CNTN5: variants seen among roughly 807,000 people sequenced by gnomAD.
The protein encoded by CNTN5 is contactin-5.
In CNTN5, 77 loss-of-function variants were observed where a neutral mutation model predicts 129.1. The ratio of observed to expected loss-of-function variants is 0.60; its 90% CI spans 0.50 to 0.72. The LOEUF is 0.72. CNTN5 is among the 30% of genes least tolerant of loss of function. CNTN5 has a pLI of 0.00. For missense variants in CNTN5, 1,478 were observed against 1,328.8 expected (o/e 1.11, Z -1.75); for synonymous variants, 509 against 465.6 (o/e 1.09, Z -1.20).
chr11:100,037,436 G>C (rs1402051386), intron 9 of CNTN5, among the ~76,000 whole-genome samples: 2 of 151,580 alleles, frequency 1.3e-5, no homozygotes. Context: ...TCTCTTTTTT[G>C]GTTGTGTCTC....
At position 99,483,381 on chromosome 11, in the gene CNTN5, T is replaced by C. The variant is rs544289488; in HGVS notation, c.-70-72764T>C. ...CTCATGCACAGTGTCAACAATGTGT[T>C]TACTGGAGTTGTGCGCATGCTCACT... On this transcript the variant is annotated intron_variant, in intron 2 of 24. Transcript: ENST00000524871. Among the ~76,000 whole-genome samples the C allele has an allele frequency of 5.9e-3, 893 of 152,138 alleles. 9 individuals carry two copies. The highest frequency in any genetic ancestry group is 0.02 in the African/African-American group (817 of 41,502).
chr11:99,747,460 C>CTTTT lies in CNTN5; in HGVS notation c.56-72064_56-72061dup, dbSNP rs55790126. Among the ~76,000 whole-genome samples, 329 of 85,734 alleles carry CTTTT rather than the reference C, an allele frequency of 3.8e-3. 8 individuals carry two copies. The highest frequency in any genetic ancestry group is 0.017 in the East Asian group (45 of 2,674). The allele number at this position is 85,734 out of a possible 152,430, so 56.2% of individuals were successfully genotyped here. ...ACTATATTGAATAGAAGTCAGCATC[C>CTTTT]TTTTTTTTTTTTTTTTTTTTTTTGA... On this transcript the variant is annotated intron_variant, in intron 3 of 24. Transcript: ENST00000524871.
chr11:99,516,734 G>A (rs1947066533), intron 2 of CNTN5, among the ~76,000 whole-genome samples: 1 of 151,968 alleles, frequency 6.6e-6, no homozygotes, highest in African/African-American at 2.4e-5. Context: ...TCCTAATCCT[G>A]AATTTTTTTA....
intron 3 of CNTN5, among the ~76,000 whole-genome samples, chr11:99,817,392 G>C (rs1946623217): frequency 6.6e-6 from 1 of 152,154 alleles, no homozygotes; most frequent in South Asian, 2.1e-4. Context: ...TCTGTATGGA[G>C]TGGCACAAGC....
intron 6 of CNTN5, among the ~76,000 whole-genome samples, chr11:99,885,913 G>C (rs982101813): frequency 8.6e-5 from 13 of 151,998 alleles, no homozygotes; most frequent in African/African-American, 3.1e-4. Context: ...AGCTTAACTA[G>C]AACTTTGAAC....
chr11:100,292,753 C>G (rs35356352), intron 18 of CNTN5, among the ~76,000 whole-genome samples: 5 of 151,930 alleles, frequency 3.3e-5, no homozygotes, highest in Non-Finnish European at 4.4e-5. Flanking sequence ...GAGTTGGAGG[C>G]AGGCAATGAG....
intron 3 of CNTN5, among the ~76,000 whole-genome samples, chr11:99,585,529 G>A (rs1049389022): frequency 3.3e-5 from 5 of 151,786 alleles, no homozygotes; most frequent in Non-Finnish European, 7.4e-5. Flanking sequence ...ACTTATAGTG[G>A]GATTTTCATA....
At chr11:99,959,543 C>T (rs1950887689) in intron 8 of CNTN5, among the ~76,000 whole-genome samples, 1 of 152,166 alleles carries the variant, frequency 6.6e-6, no homozygotes, top group Admixed American at 6.6e-5. Context: ...CAGAAAATTA[C>T]ACTATAAGTC....
intron 2 of CNTN5, among the ~76,000 whole-genome samples, chr11:99,460,832 A>G (rs1944670654): frequency 6.6e-6 from 1 of 152,050 alleles, no homozygotes; most frequent in African/African-American, 2.4e-5. Context: ...AATTTCTTAC[A>G]TAGTAAAATA....
intron 3 of CNTN5, among the ~76,000 whole-genome samples, chr11:99,758,997 G>T (rs761878959): frequency 6.6e-6 from 1 of 152,014 alleles, no homozygotes; most frequent in Non-Finnish European, 1.5e-5. Context: ...TATGATGAAG[G>T]CTGGAGAACT....
At chr11:99,748,529 A>G (rs1361182148) in intron 3 of CNTN5, among the ~76,000 whole-genome samples, 2 of 152,116 alleles carry the variant, frequency 1.3e-5, no homozygotes, top group Admixed American at 6.5e-5. Flanking sequence ...CAAGCTGGAG[A>G]ACTAGAAAAG....
intron 1 of CNTN5, among the ~76,000 whole-genome samples, chr11:99,173,995 A>T: frequency 7.4e-6 from 1 of 135,860 alleles, no homozygotes; most frequent in African/African-American, 2.7e-5. Context: ...AGCGTCAAAA[A>T]TGCCTTTTGT....
At chr11:99,771,472 C>G (rs190300644) in intron 3 of CNTN5, among the ~76,000 whole-genome samples, 3 of 151,964 alleles carry the variant, frequency 2.0e-5, no homozygotes, top group Admixed American at 2.0e-4. Flanking sequence ...TTGGCCATAA[C>G]AAGCAAGAAA....
chr11:99,996,629 A>C (rs951478033), intron 8 of CNTN5, among the ~76,000 whole-genome samples: 4 of 152,088 alleles, frequency 2.6e-5, no homozygotes, highest in African/African-American at 9.7e-5. Context: ...TCAAATATGC[A>C]TGTATTAGTC....
At chr11:99,749,922 A>G (rs772220225) in intron 3 of CNTN5, among the ~76,000 whole-genome samples, 5 of 152,178 alleles carry the variant, frequency 3.3e-5, no homozygotes, top group Admixed American at 6.5e-5. Context: ...CCTTGAAACA[A>G]TGGGATGTTG....
At chr11:99,799,305 T>G (rs1481529668) in intron 3 of CNTN5, among the ~76,000 whole-genome samples, 1 of 151,624 alleles carries the variant, frequency 6.6e-6, no homozygotes, top group Non-Finnish European at 1.5e-5. Context: ...GTGGTGAGAA[T>G]GGCGCATCCT....
chr11:99,873,943 A>T (rs540444211), intron 6 of CNTN5, among the ~76,000 whole-genome samples: 2 of 152,216 alleles, frequency 1.3e-5, no homozygotes, highest in South Asian at 4.1e-4. Flanking sequence ...CCATTATCCT[A>T]AGTGAACTAA....
rs371387194 is a variant in CNTN5, at chr11:99,186,570, A to G, written c.-209-138776A>G. Among the ~76,000 whole-genome samples, 11 of 152,140 alleles carry G rather than the reference A, an allele frequency of 7.2e-5. No individual in the cohort carries two copies. The East Asian group carries it at 1.9e-3, about 27-fold the overall frequency. ...CAAATTGAGTTTTTGCCAATCTCAT[A>G]TACCACTGTAAGAGAATGGTTAATG... is the stretch of plus-strand genomic sequence containing the variant. On this transcript the variant is annotated intron_variant, in intron 1 of 24. Coordinates refer to ENST00000524871, the MANE Select transcript of CNTN5 (RefSeq NM_014361.4).
chr11:99,593,809 T>C (rs112164574), intron 3 of CNTN5, among the ~76,000 whole-genome samples: 12 of 152,236 alleles, frequency 7.9e-5, no homozygotes, highest in African/African-American at 2.7e-4. Context: ...CAGATTCCCA[T>C]GATGTGGATT....
Sources: gnomAD v4.1 joint callset for allele counts (sites outside exome capture counted in the v4.1 genomes callset) on GRCh38, gnomAD v4.1.1 for gene constraint, MANE v1.5 for transcripts, NCBI Gene and HGNC (gene_info 2026-07-23, HGNC 2026-07-21) for gene names.